The following CNTN5 variants were observed in gnomAD, a reference collection of about 807,000 sequenced individuals.
CNTN5 encodes the protein contactin-5.
A neutral mutation model predicts 129.1 loss-of-function variants in CNTN5; 77 were observed. That is an observed-to-expected ratio of 0.60 (90% CI 0.50 to 0.72). CNTN5 has a LOEUF of 0.72. Among genes scored for constraint, CNTN5 ranks in the 30% least tolerant of loss-of-function variants. CNTN5 has a pLI of 0.00. For missense variants in CNTN5, 1,478 were observed against 1,328.8 expected (o/e 1.11, Z -1.75); for synonymous variants, 509 against 465.6 (o/e 1.09, Z -1.20).
intron 4 of CNTN5, among the ~76,000 whole-genome samples, chr11:99,820,255 G>C (rs1300800707): frequency 6.6e-6 from 1 of 152,412 alleles, no homozygotes; most frequent in East Asian, 1.9e-4. Context: ...CTCGTAGAAT[G>C]AAAGTAAAAA....
chr11:99,631,258 A>G (rs528073984), intron 3 of CNTN5, among the ~76,000 whole-genome samples: 1 of 152,228 alleles, frequency 6.6e-6, no homozygotes, highest in South Asian at 2.1e-4. Flanking sequence ...TTAATAAGAG[A>G]TAATGGATAC....
intron 8 of CNTN5, among the ~76,000 whole-genome samples, chr11:99,981,302 T>A (rs1256454907): frequency 6.6e-6 from 1 of 151,942 alleles, no homozygotes; most frequent in East Asian, 1.9e-4. Flanking sequence ...ACAGGCCTGA[T>A]AACCCAGGGG....
chr11:100,307,953 T>G (rs956238632), intron 20 of CNTN5, among the ~76,000 whole-genome samples: 1 of 151,548 alleles, frequency 6.6e-6, no homozygotes, highest in Non-Finnish European at 1.5e-5. Flanking sequence ...ATAAAACAAC[T>G]TACCCAAAGG....
intron 2 of CNTN5, among the ~76,000 whole-genome samples, chr11:99,396,918 A>T (rs1238307433): frequency 5.9e-5 from 9 of 151,874 alleles, no homozygotes; most frequent in Non-Finnish European, 8.9e-5. Context: ...TGCCTTTAAT[A>T]TGCATTATCC....
chr11:99,573,292 C>T (rs545804997), intron 3 of CNTN5, among the ~76,000 whole-genome samples: 4 of 151,900 alleles, frequency 2.6e-5, no homozygotes, highest in African/African-American at 9.7e-5. Context: ...AGTTCCTGGC[C>T]GGGTGCAGTG....
intron 3 of CNTN5, among the ~76,000 whole-genome samples, chr11:99,660,030 T>C (rs548700040): frequency 4.7e-4 from 71 of 152,242 alleles, no homozygotes; most frequent in African/African-American, 1.6e-3. Context: ...TGGAACAAAT[T>C]GGTTACCAGT....
rs527237184 is a variant in CNTN5 at position 99,710,671 on chromosome 11, A to G, written c.56-108873A>G. 4.6e-5 allele frequency among the ~76,000 whole-genome samples: 7 copies of G among 151,286 alleles called. No homozygotes were observed. In the East Asian group the frequency reaches 7.8e-4, roughly 17 times the overall value. ...TCTGACATTTTTTTTTAGATACGCAATCTCACATGTTGGGGAGTAAAAAAA... is the reference window on the plus strand; with the variant it reads ...TCTGACATTTTTTTTTAGATACGCAGTCTCACATGTTGGGGAGTAAAAAAA... On this transcript the variant is annotated intron_variant, in intron 3 of 24. Coordinates refer to ENST00000524871, the MANE Select transcript of CNTN5 (RefSeq NM_014361.4).
At chr11:99,438,449 C>T (rs1943685097) in intron 2 of CNTN5, among the ~76,000 whole-genome samples, 1 of 152,112 alleles carries the variant, frequency 6.6e-6, no homozygotes, top group African/African-American at 2.4e-5. Context: ...AGAAACTGGT[C>T]TCTTACACAA....
At chr11:99,900,342 T>C (rs1949322316) in intron 6 of CNTN5, among the ~76,000 whole-genome samples, 1 of 152,064 alleles carries the variant, frequency 6.6e-6, no homozygotes, top group African/African-American at 2.4e-5. Context: ...CTGATTTATG[T>C]ATATTGAGCC....
chr11:100,135,170 A>G (rs2138226273), intron 13 of CNTN5, among the ~76,000 whole-genome samples: 1 of 146,670 alleles, frequency 6.8e-6, no homozygotes, highest in East Asian at 2.2e-4. Flanking sequence ...GGTTGGATAT[A>G]AAAGTGTTTT....
chr11:99,119,636 C>T (rs1251913550), intron 1 of CNTN5, among the ~76,000 whole-genome samples: 3 of 152,094 alleles, frequency 2.0e-5, no homozygotes, highest in African/African-American at 7.2e-5. Context: ...AATTTATATT[C>T]ATTTCGGTAT....
At chr11:99,765,636 G>C (rs948109902) in intron 3 of CNTN5, among the ~76,000 whole-genome samples, 5 of 150,780 alleles carry the variant, frequency 3.3e-5, no homozygotes, top group Admixed American at 1.3e-4. Context: ...TAGCCTTTCA[G>C]ATGATCTAGA....
intron 8 of CNTN5, among the ~76,000 whole-genome samples, chr11:99,966,937 A>T (rs1338409740): frequency 6.6e-6 from 1 of 152,108 alleles, no homozygotes; most frequent in African/African-American, 2.4e-5. Flanking sequence ...AGTGAGAAAG[A>T]TTATTACTGT....
At chr11:99,886,896 T>G (rs55845612) in intron 6 of CNTN5, among the ~76,000 whole-genome samples, 2 of 152,116 alleles carry the variant, frequency 1.3e-5, no homozygotes, top group Non-Finnish European at 1.5e-5. Context: ...GAAACTTCTT[T>G]TTTTTAAAAA....
intron 1 of CNTN5, chr11:99,120,028 T>C (rs560605351): frequency 6.6e-6 from 1 of 152,284 alleles, no homozygotes; most frequent in East Asian, 1.9e-4. Context: ...CATTAGACCT[T>C]TGTCAGATGC....
intron 2 of CNTN5, among the ~76,000 whole-genome samples, chr11:99,535,371 A>T (rs553002974): frequency 1.3e-5 from 2 of 152,182 alleles, no homozygotes; most frequent in Non-Finnish European, 2.9e-5. Context: ...GACAGAATAG[A>T]AATATCCAAA....
At chr11:99,840,957 A>G (rs1025879532) in intron 4 of CNTN5, among the ~76,000 whole-genome samples, 2 of 152,182 alleles carry the variant, frequency 1.3e-5, no homozygotes, top group Non-Finnish European at 2.9e-5. Flanking sequence ...TCTTTACAGT[A>G]GAAACATCAC....
At chr11:99,254,160 T>C (rs919284289) in intron 1 of CNTN5, among the ~76,000 whole-genome samples, 1 of 151,828 alleles carries the variant, frequency 6.6e-6, no homozygotes, top group Non-Finnish European at 1.5e-5. Flanking sequence ...GAAAGAATTA[T>C]GGTGGACTGG....
chr11:99,160,810 A>G (rs560445930), intron 1 of CNTN5, among the ~76,000 whole-genome samples: 1 of 152,238 alleles, frequency 6.6e-6, no homozygotes, highest in Non-Finnish European at 1.5e-5. Flanking sequence ...AGACACAAGC[A>G]GTTACGTTTA....
Sources: gnomAD v4.1 joint callset for allele counts (sites outside exome capture counted in the v4.1 genomes callset) on GRCh38, gnomAD v4.1.1 for gene constraint, MANE v1.5 for transcripts, NCBI Gene and HGNC (gene_info 2026-07-23, HGNC 2026-07-21) for gene names.